Variants in DRC7 observed in about 807,000 individuals in gnomAD.
The protein encoded by DRC7 is dynein regulatory complex subunit 7.
Under a neutral mutation model 104.4 loss-of-function variants are expected in DRC7, and 80 were observed. The observed-to-expected ratio is 0.77, with a 90% CI of 0.64 to 0.92. DRC7 has a LOEUF of 0.92. DRC7 is among the 40% of genes least tolerant of loss of function. DRC7 has a pLI of 0.00. For synonymous variants in DRC7, 405 were observed against 447.3 expected (o/e 0.91, Z 1.19); for missense variants, 1,034 against 1,141.1 (o/e 0.91, Z 1.35).
intron 8 of DRC7, among the ~76,000 whole-genome samples, chr16:57,711,623 A>C (rs1334715601): frequency 1.3e-5 from 2 of 152,232 alleles, no homozygotes; most frequent in African/African-American, 4.8e-5. Context: ...GAGCTGATTC[A>C]AGACTGGGGA....
chr16:57,721,850 A>C, intron 10 of DRC7, 111 bp downstream of exon 10: 17 of 718,438 alleles, frequency 2.4e-5, no homozygotes, highest in East Asian at 5.8e-5. Context: ...CATGCCCCAC[A>C]TTTCCACCCT....
chr16:57,721,324 T>C (rs2048899624), intron 9 of DRC7, among the ~76,000 whole-genome samples: 2 of 152,172 alleles, frequency 1.3e-5, no homozygotes, highest in Admixed American at 1.3e-4. Flanking sequence ...AACTAAGGCT[T>C]AGAGCAGTTA....
At chr16:57,695,850 C>T (rs1241597141) in intron 1 of DRC7, among the ~76,000 whole-genome samples, 2 of 152,222 alleles carry the variant, frequency 1.3e-5, no homozygotes, top group Admixed American at 6.5e-5. Context: ...CAGGGTTTCC[C>T]CAACCAGGCT....
At chr16:57,725,785 T>G in intron 13 of DRC7, 1 of 429,164 alleles carries the variant, frequency 2.3e-6, no homozygotes, top group Non-Finnish European at 4.3e-6. Context: ...AGCAATGGAG[T>G]AGGCTGCCTG....
chr16:57,726,088 C>T lies in DRC7; in HGVS notation c.1779C>T (p.Phe593=). ...RPIVKITERF[F]RNPAKPAEED... is the part of the protein sequence containing the mutation. ...CCCAGAAAATCACAGAGCGGTTCTT[C>T]CGCAACCCAGCGAAGCCCGCGGAGG... Residue 593 remains phenylalanine, a synonymous_variant, in exon 14 of 19, where the codon TTC becomes TTT. Transcript: ENST00000360716. The T allele has an allele frequency of 6.2e-7, 1 of 1,613,318 alleles. No homozygotes were observed. Among genetic ancestry groups the T allele is most frequent in the Non-Finnish European group, 8.5e-7 (1 of 1,179,950 alleles).
At chr16:57,724,884 C>T in intron 13 of DRC7, 49 bp downstream of exon 13, 1 of 1,432,832 alleles carries the variant, frequency 7.0e-7, no homozygotes, top group Non-Finnish European at 9.7e-7. Flanking sequence ...TCTCTGGCAG[C>T]TGATGTCACC....
At chr16:57,714,916 C>A in intron 8 of DRC7, 1 of 289,504 alleles carries the variant, frequency 3.5e-6, no homozygotes, top group South Asian at 3.2e-5. Flanking sequence ...CCCAAAGCAT[C>A]CCTTTGGGAA....
chr16:57,712,383 T>A (rs2048798602), intron 8 of DRC7, among the ~76,000 whole-genome samples: 1 of 152,234 alleles, frequency 6.6e-6, no homozygotes, highest in Admixed American at 6.5e-5. Flanking sequence ...AAAGGTGTAA[T>A]TTCTGGGTGT....
In DRC7 at chr16:57,702,090, T is replaced by G; in HGVS notation, c.659T>G (p.Leu220Arg). 6.2e-7 allele frequency: 1 copy of G among 1,614,182 alleles called. No homozygotes were observed. The highest frequency in any genetic ancestry group is 8.5e-7 in the Non-Finnish European group (1 of 1,180,018). The change falls in exon 6 of 19, where the codon CTG becomes CGG. Residue 220 changes from leucine (L) to arginine (R), a missense_variant. Coordinates refer to ENST00000360716, the MANE Select transcript of DRC7 (RefSeq NM_001289162.2). ...YGSLDLCHMD[L>R]TREVCPLTVK... ...TCGCTGGACCTGTGCCACATGGACC[T>G]GACGCGGGAGGTGTGCCCACTCACT...
At chr16:57,717,136 C>A (rs1252824734) in intron 8 of DRC7, among the ~76,000 whole-genome samples, 3 of 147,964 alleles carry the variant, frequency 2.0e-5, no homozygotes, top group African/African-American at 7.5e-5. Flanking sequence ...CCAGCCTGGG[C>A]AACAGAGGGA....
rs142825289 is a variant in DRC7 at position 57,700,190 on chromosome 16, G to A, written c.424G>A (p.Glu142Lys). The change falls in exon 5 of 19, where the codon GAG becomes AAG. Residue 142 changes from glutamate (E) to lysine (K), a missense_variant. Coordinates refer to ENST00000360716, the MANE Select transcript of DRC7 (RefSeq NM_001289162.2). Reference sequence around the variant, plus strand: ...CCGGCCCACACTGATGCCCTACCCCGAGCTCTACAACTGGGACAGCTGTGC... The same window carrying A: ...CCGGCCCACACTGATGCCCTACCCCAAGCTCTACAACTGGGACAGCTGTGC... ...TLRPTLMPYPELYNWDSCAQF... is the reference protein window; with the variant it reads ...TLRPTLMPYPKLYNWDSCAQF... The A allele has an allele frequency of 1.2e-5, 20 of 1,614,046 alleles. No individual in the cohort carries two copies. Among genetic ancestry groups the A allele is most frequent in the Middle Eastern group, 3.3e-4 (2 of 6,062 alleles).
At chr16:57,701,202 A>G (rs2048654809) in intron 5 of DRC7, among the ~76,000 whole-genome samples, 1 of 152,210 alleles carries the variant, frequency 6.6e-6, no homozygotes, top group Non-Finnish European at 1.5e-5. Flanking sequence ...ACCTAAGCCT[A>G]TTCAAGGCAC....
chr16:57,713,816 C>A, intron 8 of DRC7: 1 of 153,730 alleles, frequency 6.5e-6, no homozygotes, highest in South Asian at 1.9e-4. Flanking sequence ...CTCCTGAACT[C>A]CCGTCTCACC....
At chr16:57,697,564 G>A (rs1341855749) in intron 2 of DRC7, among the ~76,000 whole-genome samples, 1 of 151,830 alleles carries the variant, frequency 6.6e-6, no homozygotes, top group African/African-American at 2.4e-5. Context: ...GCAAGACCCT[G>A]TCTCAAAAAA....
At chr16:57,702,637 A>G (rs1054038811) in intron 6 of DRC7, among the ~76,000 whole-genome samples, 7 of 152,078 alleles carry the variant, frequency 4.6e-5, no homozygotes, top group Non-Finnish European at 7.3e-5. Flanking sequence ...TGTCTCTATC[A>G]AAAATACAAA....
At chr16:57,714,400 C>T (rs1049989238) in intron 8 of DRC7, 32 of 159,946 alleles carry the variant, frequency 2.0e-4, no homozygotes, top group Middle Eastern at 2.8e-3. Context: ...GTGAGAGGAT[C>T]GCTTGAGCTC....
chr16:57,719,830 G>A (rs1440297154), intron 9 of DRC7, among the ~76,000 whole-genome samples: 10 of 152,014 alleles, frequency 6.6e-5, no homozygotes, highest in Admixed American at 2.6e-4. Context: ...ATTGGGTTAG[G>A]GCCCACTCTA....
chr16:57,712,675 T>C (rs1412089970), intron 8 of DRC7, among the ~76,000 whole-genome samples: 5 of 147,068 alleles, frequency 3.4e-5, no homozygotes, highest in African/African-American at 5.0e-5. Context: ...TTTTGTTTTG[T>C]TTTTTTTTTG....
chr16:57,705,977 CCCA>C (rs2048718284), intron 7 of DRC7, among the ~76,000 whole-genome samples: 1 of 143,016 alleles, frequency 7.0e-6, no homozygotes, highest in Non-Finnish European at 1.5e-5. Context: ...CATCCATCCT[CCCA>C]CCATCCTCCC....
Sources: allele counts gnomAD v4.1 joint callset (sites outside exome capture counted in the v4.1 genomes callset), GRCh38; gene constraint gnomAD v4.1.1; transcripts MANE v1.5; gene names NCBI Gene and HGNC (gene_info 2026-07-23, HGNC 2026-07-21).